The following VPS45 variants were observed in gnomAD, a reference collection of about 807,000 sequenced individuals.
VPS45 encodes the protein vacuolar protein sorting-associated protein 45.
VPS45 carries 35 observed loss-of-function variants against 75.9 expected under a neutral mutation model. The observed-to-expected ratio is 0.46, with a 90% CI of 0.35 to 0.61. VPS45 has a LOEUF of 0.61. Among genes scored for constraint, VPS45 ranks in the 20% least tolerant of loss-of-function variants. The probability of loss-of-function intolerance (pLI) is 0.00; values close to 1 mark genes in which losing one functional copy is unlikely to be tolerated. For synonymous variants in VPS45, 220 were observed against 238.2 expected (o/e 0.92, Z 0.70); for missense variants, 559 against 685.9 (o/e 0.81, Z 2.07).
At chr1:150,125,673 A>AT (rs1298088996) in intron 14 of VPS45, among the ~76,000 whole-genome samples, 9 of 37,272 alleles carry the variant, frequency 2.4e-4, no homozygotes, top group Admixed American at 1.1e-3. Context: ...TAGGAGATAT[A>AT]TTTTTTATTT....
chr1:150,069,416 T>G (rs985846180), intron 2 of VPS45, among the ~76,000 whole-genome samples: 10 of 151,648 alleles, frequency 6.6e-5, no homozygotes, highest in Non-Finnish European at 1.3e-4. Context: ...AGCTTGAGTC[T>G]CTCCTTTAAA....
Position 150,083,047 on chromosome 1 carries a change from A to G in VPS45, c.1104+164A>G, listed in dbSNP as rs587760713. Reference sequence around the variant, plus strand: ...TTATTTAAGATAGATCTATAAAAAGAGTCACAAGAGAAGTGTAATGTGCAA... The same window carrying G: ...TTATTTAAGATAGATCTATAAAAAGGGTCACAAGAGAAGTGTAATGTGCAA... On this transcript the variant is annotated intron_variant, in intron 10 of 14. Coordinates refer to ENST00000644510, the MANE Select transcript of VPS45 (RefSeq NM_007259.5). 18 of 727,152 alleles carry G rather than the reference A, an allele frequency of 2.5e-5. No individual in the cohort carries two copies. In the African/African-American group the frequency reaches 3.1e-4, roughly 12 times the overall value. 45.0% of individuals were successfully genotyped at this position (727,152 alleles called of 1,614,324 possible). A position where few individuals can be genotyped will look rare whatever the true frequency, so the allele number is the denominator to read the frequency against.
Position 150,144,846 on chromosome 1 carries a change from G to C in VPS45, c.*50G>C, listed in dbSNP as rs1270532778. 5.0e-6 allele frequency: 8 copies of C among 1,612,350 alleles called. No individual in the cohort carries two copies. The highest frequency in any genetic ancestry group is 5.9e-6 in the Non-Finnish European group (7 of 1,179,504). The stretch of plus-strand genomic sequence containing the variant: ...GCTTCCTCTCTTGTCCCCACTACAG[G>C]TTTTCCCTACTAAACAAAGGTGTTG... On this transcript the variant is annotated 3_prime_UTR_variant, in exon 15 of 15. Transcript: ENST00000644510.
intron 1 of VPS45, 45 bp downstream of exon 1, chr1:150,067,995 CTTACAAT>C: frequency 6.5e-7 from 1 of 1,544,134 alleles, no homozygotes; most frequent in African/African-American, 1.4e-5. Context: ...CCCTCTCAAC[CTTACAAT>C]TGCTCGTCCC....
chr1:150,129,554 T>TTTTA (rs1164297326), intron 14 of VPS45, among the ~76,000 whole-genome samples: 106 of 152,108 alleles, frequency 7.0e-4, no homozygotes, highest in East Asian at 5.8e-4. Flanking sequence ...TTTTTTTTAA[T>TTTTA]TTTATTTATT....
At chr1:150,142,808 G>A (rs782691143) in intron 14 of VPS45, 2 of 445,332 alleles carry the variant, frequency 4.5e-6, no homozygotes, top group South Asian at 1.6e-5. Flanking sequence ...GGGACTACAG[G>A]CACCTGTCTA....
At chr1:150,140,502 G>A (rs1162214683) in intron 14 of VPS45, among the ~76,000 whole-genome samples, 1 of 150,344 alleles carries the variant, frequency 6.7e-6, no homozygotes, top group East Asian at 2.0e-4. Flanking sequence ...CATTATTATT[G>A]TATTATTATT....
intron 2 of VPS45, among the ~76,000 whole-genome samples, chr1:150,070,018 A>G (rs782589657): frequency 6.6e-6 from 1 of 152,044 alleles, no homozygotes; most frequent in Non-Finnish European, 1.5e-5. Flanking sequence ...CCCTATGTAT[A>G]TCAATCCGCT....
At chr1:150,102,298 C>A (rs1553804651) in intron 13 of VPS45, among the ~76,000 whole-genome samples, 1 of 150,460 alleles carries the variant, frequency 6.6e-6, no homozygotes, top group Non-Finnish European at 1.5e-5. Flanking sequence ...GCCTGTAATC[C>A]CAGCACTTCG....
intron 14 of VPS45, among the ~76,000 whole-genome samples, chr1:150,139,980 G>A (rs1405744212): frequency 5.9e-5 from 9 of 152,106 alleles, no homozygotes; most frequent in South Asian, 2.1e-4. Context: ...TGTAACCTCC[G>A]CCTCCCAGGT....
chr1:150,131,718 C>T lies in VPS45; in HGVS notation c.1626-12991C>T, dbSNP rs587755034. 2.0e-5 allele frequency among the ~76,000 whole-genome samples: 3 copies of T among 150,844 alleles called. No individual in the cohort carries two copies. The East Asian group carries it at 5.8e-4, about 29-fold the overall frequency. ...ATTTTTAGCCATGCATGATGGCATG[C>T]ACCTGTAGTCCCAGCTACTTGGGAG... On this transcript the variant is annotated intron_variant, in intron 14 of 14. Coordinates refer to ENST00000644510, the MANE Select transcript of VPS45 (RefSeq NM_007259.5).
At chr1:150,098,400 A>G (rs1656791146) in intron 13 of VPS45, among the ~76,000 whole-genome samples, 2 of 152,226 alleles carry the variant, frequency 1.3e-5, no homozygotes, top group Non-Finnish European at 2.9e-5. Flanking sequence ...TGATATGCCA[A>G]TATTTATAGT....
At chr1:150,082,953 C>T (rs1553799827) in intron 10 of VPS45, 70 bp downstream of exon 10, 2 of 1,419,618 alleles carry the variant, frequency 1.4e-6, no homozygotes, top group Non-Finnish European at 1.9e-6. Flanking sequence ...GATAAAAAGG[C>T]AAGTAATCCT....
At chr1:150,099,269 G>T (rs1218878616) in intron 13 of VPS45, among the ~76,000 whole-genome samples, 1 of 152,036 alleles carries the variant, frequency 6.6e-6, no homozygotes, top group Non-Finnish European at 1.5e-5. Flanking sequence ...GGCTGAGGTG[G>T]GGCAGATCAG....
At chr1:150,089,568 G>A (rs1192274165) in intron 10 of VPS45, among the ~76,000 whole-genome samples, 3 of 151,876 alleles carry the variant, frequency 2.0e-5, no homozygotes, top group Admixed American at 2.0e-4. Flanking sequence ...CACCATGTTG[G>A]CCAGGCTGGT....
intron 6 of VPS45, 48 bp downstream of exon 6, chr1:150,077,279 T>C: frequency 6.3e-7 from 1 of 1,579,360 alleles, no homozygotes; most frequent in Non-Finnish European, 8.6e-7. Context: ...GCCATTCATT[T>C]CTCTATCATA....
At chr1:150,111,244 AG>A (rs1437537618) in intron 14 of VPS45, among the ~76,000 whole-genome samples, 2 of 152,206 alleles carry the variant, frequency 1.3e-5, no homozygotes, top group African/African-American at 4.8e-5. Flanking sequence ...TTCACATAGA[AG>A]ATAGTATATT....
intron 14 of VPS45, among the ~76,000 whole-genome samples, chr1:150,119,748 A>G (rs80120999): frequency 3.7e-4 from 56 of 152,342 alleles, no homozygotes; most frequent in African/African-American, 1.2e-3. Flanking sequence ...TCCTTCCAGA[A>G]TAGGAAATGT....
rs587716374 is a variant in VPS45, at chr1:150,081,372, C to G, written c.718C>G (p.Leu240Val). The G allele has an allele frequency of 2.1e-5, 34 of 1,607,344 alleles. No homozygotes were observed. The highest frequency in any genetic ancestry group is 2.6e-5 in the Non-Finnish European group (31 of 1,178,022). The change falls in exon 8 of 15, where the codon CTA becomes GTA. Residue 240 changes from leucine (L) to valine (V), a missense_variant. Coordinates refer to ENST00000644510, the MANE Select transcript of VPS45 (RefSeq NM_007259.5). The stretch of plus-strand genomic sequence containing the variant: ...ATATCAGGCCATGGTCCACGAACTA[C>G]TAGGCATAAACAACAATCGGATTGA... ...WTYQAMVHEL[L>V]GINNNRIDLS...
Sources: allele counts gnomAD v4.1 joint callset (sites outside exome capture counted in the v4.1 genomes callset), GRCh38; gene constraint gnomAD v4.1.1; transcripts MANE v1.5; gene names NCBI Gene and HGNC (gene_info 2026-07-23, HGNC 2026-07-21).